Variants in FAAH2 observed in about 807,000 individuals in gnomAD.
The protein encoded by FAAH2 is fatty-acid amide hydrolase 2.
Under a neutral mutation model 36.9 loss-of-function variants are expected in FAAH2, and 60 were observed. The observed-to-expected ratio is 1.63, with a 90% confidence interval of 1.32 to 2.02. The LOEUF (loss-of-function observed/expected upper bound fraction) is 2.02. FAAH2 is among the 30% of genes most tolerant of loss of function. The pLI is 0.00. For missense variants in FAAH2, 689 were observed against 397.5 expected (o/e 1.73, Z -6.23); for synonymous variants, 214 against 143.8 (o/e 1.49, Z -3.49).
At chrX:57,452,265 C>T (rs1040498519) in intron 10 of FAAH2, 30 of 753,209 alleles carry the variant, frequency 4.0e-5, no homozygotes, top group Middle Eastern at 7.4e-4. Flanking sequence ...CTTTTGTGAC[C>T]TCTTCAGCAT....
intron 7 of FAAH2, among the ~76,000 whole-genome samples, chrX:57,401,227 C>G (rs1264153987): frequency 2.7e-5 from 3 of 112,001 alleles, no homozygotes; most frequent in Non-Finnish European, 5.6e-5. Flanking sequence ...TACCAAAAGA[C>G]AAGAGTGTCC....
intron 2 of FAAH2, among the ~76,000 whole-genome samples, chrX:57,294,147 C>T (rs1171102221): frequency 8.9e-6 from 1 of 111,775 alleles, no homozygotes; most frequent in Non-Finnish European, 1.9e-5. Flanking sequence ...ATCAATCCCT[C>T]AGTGTTAGCT....
At chrX:57,150,968 T>C in the FAAH2 span, among the ~76,000 whole-genome samples, 2 of 112,018 alleles carry the variant, frequency 1.8e-5, no homozygotes, top group African/African-American at 6.5e-5. Context: ...GGTGACAAAA[T>C]CTCTCAGCAT....
chrX:57,220,975 G>C, the FAAH2 span, among the ~76,000 whole-genome samples: 8,462 of 111,865 alleles, frequency 0.076, 789 homozygotes, highest in African/African-American at 0.26. Context: ...GGGTAACCCT[G>C]ATGGTGGCAG....
At chrX:57,445,275 G>A (rs2147167054) in intron 8 of FAAH2, among the ~76,000 whole-genome samples, 1 of 111,481 alleles carries the variant, frequency 9.0e-6, no homozygotes, top group Non-Finnish European at 1.9e-5. Flanking sequence ...GTGGTGTTGA[G>A]TAATATAAGG....
Position 57,437,775 on chromosome X carries a change from T to A in FAAH2, c.1116+5738T>A, listed in dbSNP as rs1346062400. 2.9e-5 allele frequency among the ~76,000 whole-genome samples: 3 copies of A among 102,768 alleles called. No homozygotes were observed. The Admixed American group carries it at 3.4e-4, about 11-fold the overall frequency. The allele number at this position is 102,768 out of a possible 115,157, so 89.2% of individuals were successfully genotyped here. A position where few individuals can be genotyped will look rare whatever the true frequency, so the allele number is the denominator to read the frequency against. On this transcript the variant is annotated intron_variant, in intron 8 of 10. Coordinates refer to ENST00000374900, the MANE Select transcript of FAAH2 (RefSeq NM_174912.4). ...ATTTATATTTATATTGAAATATAAT[T>A]ATATATTATATATTAAATATGTTAT...
chrX:57,467,677 G>A (rs549083487), intron 10 of FAAH2, among the ~76,000 whole-genome samples: 64 of 112,177 alleles, frequency 5.7e-4, no homozygotes, highest in African/African-American at 1.9e-3. Flanking sequence ...TCTGGGGGCA[G>A]GGCATAGCCA....
At chrX:57,340,013 G>A (rs932281429) in intron 4 of FAAH2, among the ~76,000 whole-genome samples, 12 of 111,441 alleles carry the variant, frequency 1.1e-4, no homozygotes, top group African/African-American at 3.6e-4. Context: ...CCCACAATAG[G>A]CCGTCTGCAA....
intron 7 of FAAH2, among the ~76,000 whole-genome samples, chrX:57,386,966 T>C (rs1367500180): frequency 8.9e-6 from 1 of 112,172 alleles, no homozygotes; most frequent in East Asian, 2.8e-4. Flanking sequence ...ATTTAGGAGT[T>C]TCATTTCATA....
At chrX:57,252,502 C>G in the FAAH2 span, among the ~76,000 whole-genome samples, 2 of 112,091 alleles carry the variant, frequency 1.8e-5, no homozygotes, top group South Asian at 7.5e-4. Flanking sequence ...CTGACAGACA[C>G]CTCATACAGG....
At chrX:57,177,132 C>A in the FAAH2 span, among the ~76,000 whole-genome samples, 8 of 110,987 alleles carry the variant, frequency 7.2e-5, no homozygotes, top group African/African-American at 2.6e-4. Flanking sequence ...ATGTAATACC[C>A]CAATAGTGAG....
At chrX:57,209,098 G>A in the FAAH2 span, among the ~76,000 whole-genome samples, 1 of 112,060 alleles carries the variant, frequency 8.9e-6, no homozygotes, top group African/African-American at 3.2e-5. Context: ...CTGTCCCAGG[G>A]TAGGTCTAGA....
At chrX:57,389,532 T>C (rs1268073969) in intron 7 of FAAH2, among the ~76,000 whole-genome samples, 1 of 109,592 alleles carries the variant, frequency 9.1e-6, no homozygotes, top group African/African-American at 3.3e-5. Flanking sequence ...GGTCCATCTA[T>C]ATTGTTGAAA....
chrX:57,405,153 G>T (rs760598620), intron 7 of FAAH2, among the ~76,000 whole-genome samples: 15 of 111,722 alleles, frequency 1.3e-4, no homozygotes, highest in Non-Finnish European at 2.1e-4. Flanking sequence ...AGCAAAAGTA[G>T]TCCAATATTA....
chrX:57,356,881 C>A (rs971122861), intron 5 of FAAH2, among the ~76,000 whole-genome samples: 1 of 110,470 alleles, frequency 9.1e-6, no homozygotes, highest in Non-Finnish European at 1.9e-5. Flanking sequence ...TGGTGATTTG[C>A]TGCACCTATC....
the FAAH2 span, among the ~76,000 whole-genome samples, chrX:57,163,692 G>T: frequency 1.8e-5 from 2 of 112,407 alleles, no homozygotes; most frequent in Non-Finnish European, 3.8e-5. Context: ...CACTTCTCAA[G>T]TGAGGCAATG....
chrX:57,319,400 A>G (rs1005762780), intron 3 of FAAH2, among the ~76,000 whole-genome samples: 1 of 111,965 alleles, frequency 8.9e-6, no homozygotes, highest in Non-Finnish European at 1.9e-5. Context: ...GAGCCAAATC[A>G]TGAGTGAACT....
the FAAH2 span, among the ~76,000 whole-genome samples, chrX:57,246,773 A>T: frequency 1.8e-5 from 2 of 111,843 alleles, no homozygotes; most frequent in African/African-American, 3.2e-5. Context: ...TTTTCTTGAC[A>T]TGGTGAGTAT....
chrX:57,416,003 T>A (rs2055832872), intron 7 of FAAH2, among the ~76,000 whole-genome samples: 1 of 111,663 alleles, frequency 9.0e-6, no homozygotes. Context: ...ATTTTTTTAA[T>A]CTTTGTTGGT....
Sources: allele counts gnomAD v4.1 joint callset (sites outside exome capture counted in the v4.1 genomes callset), GRCh38; gene constraint gnomAD v4.1.1; transcripts MANE v1.5; gene names NCBI Gene and HGNC (gene_info 2026-07-23, HGNC 2026-07-21).